Variants in CACNA1E observed in about 807,000 individuals in gnomAD.
CACNA1E encodes the protein calcium voltage-gated channel subunit alpha1 E.
A neutral mutation model predicts 259.2 loss-of-function variants in CACNA1E; 40 were observed. That is an observed-to-expected ratio of 0.15 (90% CI 0.12 to 0.20). The LOEUF is 0.20. Among genes scored for constraint, CACNA1E ranks in the 10% least tolerant of loss-of-function variants. CACNA1E has a pLI of 1.00. For synonymous variants in CACNA1E, 1,104 were observed against 1,138.5 expected, an observed-to-expected ratio of 0.97 and a Z score of 0.61; for missense variants, 1,874 against 3,040.1, an observed-to-expected ratio of 0.62 and a Z score of 9.02.
At chr1:181,375,842 C>T (rs1655065191) in intron 1 of CACNA1E, among the ~76,000 whole-genome samples, 1 of 152,192 alleles carries the variant, frequency 6.6e-6, no homozygotes, top group Non-Finnish European at 1.5e-5. Flanking sequence ...CGTGTTCTAA[C>T]AGCATGCTGT....
chr1:181,772,508 A>AGAT (rs1483316918), intron 37 of CACNA1E, among the ~76,000 whole-genome samples: 3 of 152,192 alleles, frequency 2.0e-5, no homozygotes, highest in African/African-American at 7.2e-5. Context: ...TTCTAGGGAA[A>AGAT]GATTGTTGTG....
intron 25 of CACNA1E, among the ~76,000 whole-genome samples, chr1:181,739,881 G>A (rs1212313547): frequency 6.6e-6 from 1 of 152,120 alleles, no homozygotes; most frequent in Non-Finnish European, 1.5e-5. Context: ...TAATATTTGT[G>A]GGATTTTTTT....
chr1:181,404,842 G>A (rs1252799626), intron 1 of CACNA1E, among the ~76,000 whole-genome samples: 2 of 152,236 alleles, frequency 1.3e-5, no homozygotes, highest in Non-Finnish European at 2.9e-5. Flanking sequence ...AAGAGCTCAG[G>A]CCACCAGCAC....
intron 3 of CACNA1E, among the ~76,000 whole-genome samples, chr1:181,546,626 A>T (rs1411699601): frequency 3.3e-5 from 5 of 151,772 alleles, no homozygotes; most frequent in Non-Finnish European, 5.9e-5. Context: ...AGACACCACC[A>T]CTCACCCATT....
rs1662565351 is a variant in CACNA1E at position 181,805,453 on chromosome 1, G to A, written c.*6619G>A. 6.6e-6 allele frequency: 1 copy of A among 152,164 alleles called. No homozygotes were observed. The highest frequency in any genetic ancestry group is 2.1e-4 in the South Asian group (1 of 4,832). 9.4% of individuals were successfully genotyped at this position (152,164 alleles called of 1,614,324 possible). A position where few individuals can be genotyped will look rare whatever the true frequency, so the allele number is the denominator to read the frequency against. On this transcript the variant is annotated 3_prime_UTR_variant, in exon 48 of 48. Coordinates refer to ENST00000367573, the MANE Select transcript of CACNA1E (RefSeq NM_001205293.3). Reference sequence around the variant, plus strand: ...TAAGAATAAAGGTAATATGAAATGAGGGCTAAACAATGTAATATAACTGCC... The same window carrying A: ...TAAGAATAAAGGTAATATGAAATGAAGGCTAAACAATGTAATATAACTGCC...
At chr1:181,566,653 C>G (rs1649860131) in intron 3 of CACNA1E, among the ~76,000 whole-genome samples, 1 of 152,144 alleles carries the variant, frequency 6.6e-6, no homozygotes, top group Non-Finnish European at 1.5e-5. Flanking sequence ...ACGTTCAGGC[C>G]AAGCTTCATG....
rs143567585 is a variant in CACNA1E at position 181,361,925 on chromosome 1, A to C, written c.-15+43802A>C. On this transcript the variant is annotated intron_variant, in intron 1 of 11. Coordinates refer to the CACNA1E transcript ENST00000524607. ...ATTAGATTTGTTAAGTGTACATACT[A>C]CTCAGCATAGTATGTGGCACATAGC... is the stretch of plus-strand genomic sequence containing the variant. Among the ~76,000 whole-genome samples, 157 of 152,274 alleles carry C rather than the reference A, an allele frequency of 1.0e-3. 1 individual carries two copies. Among genetic ancestry groups the C allele is most frequent in the Middle Eastern group, 3.4e-3 (1 of 294 alleles).
chr1:181,683,117 G>C (rs1472824720), intron 7 of CACNA1E, among the ~76,000 whole-genome samples: 1 of 152,152 alleles, frequency 6.6e-6, no homozygotes, highest in Non-Finnish European at 1.5e-5. Context: ...TGGTTTACTT[G>C]TCTGGCTCCT....
At chr1:181,738,074 A>C (rs1270677791) in intron 23 of CACNA1E, among the ~76,000 whole-genome samples, 1 of 152,232 alleles carries the variant, frequency 6.6e-6, no homozygotes, top group Non-Finnish European at 1.5e-5. Context: ...GCCTGAACTA[A>C]GGGACAGGTA....
chr1:181,430,236 C>T (rs1314494094), intron 2 of CACNA1E, among the ~76,000 whole-genome samples: 3 of 152,094 alleles, frequency 2.0e-5, no homozygotes, highest in Non-Finnish European at 2.9e-5. Flanking sequence ...CGGAGTTCTT[C>T]GTTTCATGAC....
At chr1:181,379,664 C>G (rs1436351989) in intron 1 of CACNA1E, among the ~76,000 whole-genome samples, 1 of 152,078 alleles carries the variant, frequency 6.6e-6, no homozygotes, top group Non-Finnish European at 1.5e-5. Flanking sequence ...TCTGGGATCT[C>G]TTTTATAAGA....
upstream of CACNA1E, among the ~76,000 whole-genome samples, chr1:181,482,885 G>A (rs1032270457): frequency 6.6e-5 from 10 of 152,272 alleles, no homozygotes; most frequent in African/African-American, 2.4e-4. Flanking sequence ...GCTGATCCGG[G>A]GAGGCGGCGG....
chr1:181,538,877 A>G (rs1668367636), intron 3 of CACNA1E, among the ~76,000 whole-genome samples: 1 of 152,256 alleles, frequency 6.6e-6, no homozygotes, highest in Admixed American at 6.5e-5. Context: ...GAAAAAGATC[A>G]TGCAGAAGAT....
chr1:181,673,245 T>G (rs1648997316), intron 7 of CACNA1E, among the ~76,000 whole-genome samples: 1 of 151,136 alleles, frequency 6.6e-6, no homozygotes, highest in African/African-American at 2.4e-5. Context: ...TGTGTGTGTA[T>G]TTTTCCCCCA....
intron 7 of CACNA1E, among the ~76,000 whole-genome samples, chr1:181,669,639 C>G (rs1412337333): frequency 6.6e-6 from 1 of 152,208 alleles, no homozygotes; most frequent in Admixed American, 6.5e-5. Flanking sequence ...CAGCATTTAG[C>G]AAGCATAATT....
At chr1:181,384,189 T>A (rs943547276) in intron 1 of CACNA1E, among the ~76,000 whole-genome samples, 3 of 152,132 alleles carry the variant, frequency 2.0e-5, no homozygotes, top group African/African-American at 4.8e-5. Flanking sequence ...CACTGCGCAG[T>A]GAAGTACATG....
At chr1:181,404,368 G>A (rs1657319074) in intron 1 of CACNA1E, among the ~76,000 whole-genome samples, 1 of 152,136 alleles carries the variant, frequency 6.6e-6, no homozygotes, top group South Asian at 2.1e-4. Context: ...TTGTGCACCT[G>A]GAATTGCCAA....
intron 6 of CACNA1E, among the ~76,000 whole-genome samples, chr1:181,642,133 C>T (rs2102008683): frequency 6.6e-6 from 1 of 152,250 alleles, no homozygotes; most frequent in Non-Finnish European, 1.5e-5. Context: ...AGAAGTCCTG[C>T]ATTCTGGTTC....
chr1:181,362,322 AC>A lies in CACNA1E; in HGVS notation c.-15+44200del, dbSNP rs529042257. Among the ~76,000 whole-genome samples the A allele has an allele frequency of 7.4e-4, 113 of 152,298 alleles. 1 individual carries two copies. Among genetic ancestry groups the A allele is most frequent in the Non-Finnish European group, 2.2e-4 (15 of 68,016 alleles). ...AGTAGGTGCAGAAATGGAAGAATGG[AC>A]TGGTATGTGTGAGTCCTTTCTGCTG... On this transcript the variant is annotated intron_variant, in intron 1 of 11. Coordinates refer to the CACNA1E transcript ENST00000524607.
Sources: gnomAD v4.1 joint callset for allele counts (sites outside exome capture counted in the v4.1 genomes callset) on GRCh38, gnomAD v4.1.1 for gene constraint, MANE v1.5 for transcripts, NCBI Gene and HGNC (gene_info 2026-07-23, HGNC 2026-07-21) for gene names.